ARHGEF10L: variants seen among roughly 807,000 people sequenced by gnomAD.
ARHGEF10L encodes Rho guanine nucleotide exchange factor 10 like, also known as rho guanine nucleotide exchange factor 10-like protein.
In ARHGEF10L, 69 loss-of-function variants were observed where a neutral mutation model predicts 141.2. The ratio of observed to expected loss-of-function variants is 0.49; its 90% confidence interval spans 0.40 to 0.60. The LOEUF is 0.60. ARHGEF10L is among the 20% of genes least tolerant of loss of function. The probability of loss-of-function intolerance (pLI) is 0.00; values close to 1 mark genes in which losing one functional copy is unlikely to be tolerated. For synonymous variants in ARHGEF10L, 711 were observed against 718.5 expected (o/e 0.99, Z 0.17); for missense variants, 1,482 against 1,734.3 (o/e 0.85, Z 2.58).
At chr1:17,652,361 C>A (rs1438032110) in intron 22 of ARHGEF10L, among the ~76,000 whole-genome samples, 1 of 152,186 alleles carries the variant, frequency 6.6e-6, no homozygotes, top group Admixed American at 6.5e-5. Context: ...TCAGCAGGGG[C>A]CACCTGCCTT....
chr1:17,656,528 A>T lies in ARHGEF10L; in HGVS notation c.2706-26A>T, dbSNP rs778412962. The T allele has an allele frequency of 1.4e-5, 23 of 1,598,656 alleles. No individual in the cohort carries two copies. The highest frequency in any genetic ancestry group is 1.8e-5 in the Non-Finnish European group (21 of 1,169,630). ...GGGTGGGAGTGCTCAGTGTGTCATG[A>T]CCGCTTCTCCAACCTCTCCCCGCAG... On this transcript the variant is annotated intron_variant, in intron 24 of 28. Transcript: ENST00000361221. The surrounding 1 kb of genome is among the most constrained non-coding windows in gnomAD (Gnocchi z 4.9).
intron 1 of ARHGEF10L, among the ~76,000 whole-genome samples, chr1:17,568,130 G>C (rs976933383): frequency 1.2e-4 from 18 of 152,160 alleles, no homozygotes; most frequent in Admixed American, 9.2e-4. Flanking sequence ...GGGCAGTGAC[G>C]GGGAGCTCTG....
At chr1:17,536,852 G>A (rs956830938), upstream of ARHGEF10L, among the ~76,000 whole-genome samples, 3 of 152,060 alleles carry the variant, frequency 2.0e-5, no homozygotes, top group Non-Finnish European at 2.9e-5. Context: ...GATTTGTTAA[G>A]AGAAGCTAGA....
At chr1:17,568,400 G>A (rs1027299854) in intron 1 of ARHGEF10L, among the ~76,000 whole-genome samples, 1 of 152,160 alleles carries the variant, frequency 6.6e-6, no homozygotes, top group Admixed American at 6.5e-5. Flanking sequence ...CTGTGTCACA[G>A]CTGGCCTCAG....
intron 1 of ARHGEF10L, among the ~76,000 whole-genome samples, chr1:17,541,048 G>A (rs1006956585): frequency 8.5e-5 from 13 of 152,080 alleles, no homozygotes; most frequent in South Asian, 6.2e-4. Context: ...CCCCTTCATC[G>A]GGCCCTCAGG....
chr1:17,526,724 C>T, the ARHGEF10L span, among the ~76,000 whole-genome samples: 3 of 152,006 alleles, frequency 2.0e-5, no homozygotes, highest in Admixed American at 2.0e-4. Context: ...GGCAACATGG[C>T]GAAACCCCGT....
intron 1 of ARHGEF10L, among the ~76,000 whole-genome samples, chr1:17,552,622 C>G (rs1297894946): frequency 7.8e-6 from 1 of 128,482 alleles, no homozygotes; most frequent in East Asian, 2.7e-4. Context: ...CAGGGTTTCA[C>G]CATATCAGCC....
chr1:17,519,787 G>A, the ARHGEF10L span, among the ~76,000 whole-genome samples: 1 of 151,672 alleles, frequency 6.6e-6, no homozygotes, highest in African/African-American at 2.4e-5. Context: ...GCGATGCAGT[G>A]AGTCAAGATC....
Position 17,638,680 on chromosome 1 carries a change from A to G in ARHGEF10L, c.2162A>G (p.Lys721Arg). 1.2e-6 allele frequency: 2 copies of G among 1,614,010 alleles called. No individual in the cohort carries two copies. Among genetic ancestry groups the G allele is most frequent in the Non-Finnish European group, 1.7e-6 (2 of 1,179,996 alleles). The change falls in exon 20 of 29, where the codon AAA (lysine) becomes AGA (arginine). Residue 721 changes from lysine to arginine, a missense_variant. Physicochemically the swap from Lys to Arg is conservative, Grantham distance 26. Coordinates refer to ENST00000361221, the MANE Select transcript of ARHGEF10L (RefSeq NM_018125.4). ...KCRLRLLLPG[K>R]PDKSGRPISF... is the part of the protein sequence containing the mutation. Reference sequence around the variant, plus strand: ...CGTCTCAGGCTCCTGCTTCCTGGGAAACCCGACAAGTGAGAGGAGGGGGTC... The same window carrying G: ...CGTCTCAGGCTCCTGCTTCCTGGGAGACCCGACAAGTGAGAGGAGGGGGTC...
chr1:17,572,270 C>T (rs1203423013), intron 1 of ARHGEF10L, among the ~76,000 whole-genome samples: 3 of 152,190 alleles, frequency 2.0e-5, no homozygotes, highest in Non-Finnish European at 4.4e-5. Context: ...CCGGGACGCC[C>T]TCCTCAGCCC....
At chr1:17,629,803 C>T (rs1477907267) in intron 15 of ARHGEF10L, among the ~76,000 whole-genome samples, 2 of 152,262 alleles carry the variant, frequency 1.3e-5, no homozygotes, top group Non-Finnish European at 2.9e-5. Context: ...CAGGAATCTT[C>T]TCCTCTCCCC....
chr1:17,609,185 C>T lies in ARHGEF10L; in HGVS notation c.609+1208C>T, dbSNP rs1570876355. Among the ~76,000 whole-genome samples the T allele has an allele frequency of 2.6e-5, 4 of 152,192 alleles. No individual in the cohort carries two copies. In the South Asian group the frequency reaches 8.3e-4, roughly 32 times the overall value. On this transcript the variant is annotated intron_variant, in intron 7 of 28. Coordinates refer to ENST00000361221, the MANE Select transcript of ARHGEF10L (RefSeq NM_018125.4). ...AGAGAGGGGACTTTCCCAGTGCCTC[C>T]CACCTTTTCTGGGCTTGGGGGATCC...
At chr1:17,518,187 G>T in the ARHGEF10L span, among the ~76,000 whole-genome samples, 3 of 152,214 alleles carry the variant, frequency 2.0e-5, no homozygotes, top group Admixed American at 6.5e-5. Context: ...GGCTGGATTT[G>T]GCCCATGGGC....
intron 26 of ARHGEF10L, among the ~76,000 whole-genome samples, chr1:17,677,495 G>A (rs1472775802): frequency 6.6e-6 from 1 of 152,238 alleles, no homozygotes; most frequent in East Asian, 1.9e-4. Context: ...GGCCCAGGGT[G>A]GGCACTGGCT....
intron 8 of ARHGEF10L, among the ~76,000 whole-genome samples, chr1:17,614,341 G>T (rs972156916): frequency 6.6e-5 from 10 of 152,228 alleles, no homozygotes; most frequent in Non-Finnish European, 1.5e-5. Context: ...GCTAGAGAAG[G>T]GCAGAGTCTA....
intron 1 of ARHGEF10L, among the ~76,000 whole-genome samples, chr1:17,548,646 CTTTTTTTTTT>C (rs892480738): frequency 1.1e-5 from 1 of 88,324 alleles, no homozygotes; most frequent in Admixed American, 1.3e-4. Flanking sequence ...CAAAATAATT[CTTTTTTTTTT>C]TTTTTTTTTT....
At chr1:17,550,869 G>A (rs1391802987) in intron 1 of ARHGEF10L, among the ~76,000 whole-genome samples, 1 of 152,098 alleles carries the variant, frequency 6.6e-6, no homozygotes, top group Non-Finnish European at 1.5e-5. Flanking sequence ...GGCAGCCTGG[G>A]AGCTAGGGGA....
intron 2 of ARHGEF10L, among the ~76,000 whole-genome samples, chr1:17,581,773 G>A (rs1307902170): frequency 6.6e-6 from 1 of 151,920 alleles, no homozygotes. Flanking sequence ...ACTGACGGGA[G>A]TGCTTATCAT....
intron 21 of ARHGEF10L, among the ~76,000 whole-genome samples, chr1:17,643,340 G>T (rs879493066): frequency 1.3e-5 from 2 of 152,154 alleles, no homozygotes; most frequent in African/African-American, 4.8e-5. Context: ...CCTGCGATCT[G>T]GGAGAGGGGA....
Sources: allele counts gnomAD v4.1 joint callset (sites outside exome capture counted in the v4.1 genomes callset), GRCh38; gene constraint gnomAD v4.1.1; non-coding constraint Gnocchi (gnomAD v3.1); transcripts MANE v1.5; gene names NCBI Gene and HGNC (gene_info 2026-07-23, HGNC 2026-07-21).